The following REPS2 variants were observed in gnomAD, a reference collection of about 807,000 sequenced individuals.
The protein encoded by REPS2 is ralBP1-associated Eps domain-containing protein 2.
In REPS2, 23 loss-of-function variants were observed where a neutral mutation model predicts 53.6. The observed-to-expected ratio is 0.43, with a 90% CI of 0.31 to 0.61. The LOEUF (loss-of-function observed/expected upper bound fraction) is 0.61, where lower values mean the gene tolerates loss of function less well. REPS2 is among the 20% of genes least tolerant of loss of function. REPS2 has a pLI of 0.11. For synonymous variants in REPS2, 238 were observed against 218.6 expected (o/e 1.09, Z -0.78); for missense variants, 446 against 534.9 (o/e 0.83, Z 1.64).
intron 1 of REPS2, among the ~76,000 whole-genome samples, chrX:16,966,004 GC>G (rs2060760946): frequency 8.9e-6 from 1 of 112,547 alleles, no homozygotes; most frequent in Non-Finnish European, 1.9e-5. Context: ...CAGGCACTCG[GC>G]AAGCTGAGGC....
At chrX:17,022,892 A>G (rs1041124089) in intron 3 of REPS2, among the ~76,000 whole-genome samples, 2 of 112,469 alleles carry the variant, frequency 1.8e-5, no homozygotes, top group Non-Finnish European at 3.7e-5. Flanking sequence ...TGGAACCAGA[A>G]CAGGGAGGAT....
rs7878645 is a variant in REPS2 at position 16,949,462 on chromosome X, C to T, written c.273+2328C>T. On this transcript the variant is annotated intron_variant, in intron 1 of 17. Coordinates refer to ENST00000357277, the MANE Select transcript of REPS2 (RefSeq NM_004726.3). Reference sequence around the variant, plus strand: ...TCGTTCTGTTGCCCAGGCTGGAGTGCGGTGGCGTGATCTTGGCTCACTGCA... The same window carrying T: ...TCGTTCTGTTGCCCAGGCTGGAGTGTGGTGGCGTGATCTTGGCTCACTGCA... 1.3e-3 allele frequency among the ~76,000 whole-genome samples: 141 copies of T among 112,359 alleles called. 2 individuals carry two copies. The highest frequency in any genetic ancestry group is 4.2e-3 in the African/African-American group (129 of 30,949).
the REPS2 span, among the ~76,000 whole-genome samples, chrX:17,159,291 A>G: frequency 8.9e-6 from 1 of 111,843 alleles, no homozygotes; most frequent in South Asian, 3.8e-4. Flanking sequence ...TTATGTTTCA[A>G]GCTCATTAAT....
intron 14 of REPS2, 104 bp downstream of exon 14, chrX:17,103,883 A>G: frequency 1.3e-6 from 1 of 743,212 alleles, no homozygotes. Context: ...GGTCCATGAG[A>G]TTCCCAAGCT....
intron 9 of REPS2, among the ~76,000 whole-genome samples, chrX:17,063,027 G>C (rs1394237823): frequency 8.9e-6 from 1 of 112,098 alleles, no homozygotes; most frequent in Non-Finnish European, 1.9e-5. Context: ...ACCAAATGAG[G>C]ACTGATTTGG....
chrX:17,168,251 C>T, the REPS2 span, among the ~76,000 whole-genome samples: 4 of 111,908 alleles, frequency 3.6e-5, no homozygotes, highest in African/African-American at 9.8e-5. Context: ...CATGGTGGCT[C>T]ACCAGTAATA....
Position 17,107,756 on chromosome X carries a change from G to A in REPS2, c.1578+3977G>A, listed in dbSNP as rs540619342. ...CTATATACAAAATTAAGTAGTTTGT[G>A]TTTCACATTTTCCTGTGGCAAGACT... On this transcript the variant is annotated intron_variant, in intron 14 of 17. Transcript: ENST00000357277. Among the ~76,000 whole-genome samples, 42 of 112,052 alleles carry A rather than the reference G, an allele frequency of 3.7e-4. No homozygotes were observed. In the South Asian group the frequency reaches 0.016, roughly 42 times the overall value.
rs780796335 is a variant in REPS2, at chrX:16,964,670, C to T, written c.273+17536C>T. 1.6e-4 allele frequency among the ~76,000 whole-genome samples: 16 copies of T among 98,735 alleles called. No individual in the cohort carries two copies. The East Asian group carries it at 4.8e-3, about 30-fold the overall frequency. 85.7% of individuals were successfully genotyped at this position (98,735 alleles called of 115,157 possible). On this transcript the variant is annotated intron_variant, in intron 1 of 17. Coordinates refer to ENST00000357277, the MANE Select transcript of REPS2 (RefSeq NM_004726.3). ...GGCCGGACGGGGGGCTGACCCCCCC[C>T]ACCTCCCTCCTGGACGGGGCGGCTG...
intron 8 of REPS2, among the ~76,000 whole-genome samples, chrX:17,060,260 G>A (rs757940911): frequency 1.5e-3 from 161 of 110,782 alleles, no homozygotes; most frequent in African/African-American, 3.6e-3. Flanking sequence ...CCGAGATTGC[G>A]TCACTGCACT....
chrX:17,123,026 G>T (rs756838416), intron 14 of REPS2, among the ~76,000 whole-genome samples: 12 of 112,150 alleles, frequency 1.1e-4, no homozygotes, highest in Non-Finnish European at 2.1e-4. Context: ...TGTTATTATT[G>T]CCAGGCCTAT....
intron 7 of REPS2, among the ~76,000 whole-genome samples, chrX:17,054,454 G>T (rs945965348): frequency 1.8e-5 from 2 of 112,195 alleles, no homozygotes; most frequent in Non-Finnish European, 3.8e-5. Context: ...CATGTCCAGG[G>T]CTTTTCACCC....
chrX:17,110,310 CTTTTT>C (rs202016963), intron 14 of REPS2, among the ~76,000 whole-genome samples: 1 of 86,533 alleles, frequency 1.2e-5, no homozygotes. Context: ...TTAGATTTCA[CTTTTT>C]TTTTTTTTTT....
chrX:16,984,966 C>T (rs1453347992), intron 1 of REPS2, among the ~76,000 whole-genome samples: 1 of 111,769 alleles, frequency 8.9e-6, no homozygotes. Flanking sequence ...GCAGTTTCCA[C>T]GGAGACTTCT....
chrX:17,134,657 T>A (rs761578485), intron 15 of REPS2, among the ~76,000 whole-genome samples: 25 of 109,728 alleles, frequency 2.3e-4, no homozygotes, highest in African/African-American at 8.0e-4. Flanking sequence ...TGAGACAGAG[T>A]CTCGCTTTGT....
chrX:17,176,942 G>T, the REPS2 span, among the ~76,000 whole-genome samples: 4 of 112,117 alleles, frequency 3.6e-5, no homozygotes, highest in African/African-American at 1.3e-4. Flanking sequence ...TGCTTTTCCT[G>T]CAGTGTCTCC....
chrX:17,064,303 A>G (rs1484578335), intron 9 of REPS2, among the ~76,000 whole-genome samples: 2 of 112,087 alleles, frequency 1.8e-5, no homozygotes, highest in Non-Finnish European at 3.8e-5. Context: ...TAATGATTCA[A>G]TATTTCATGT....
intron 14 of REPS2, among the ~76,000 whole-genome samples, chrX:17,125,265 T>A (rs1365618642): frequency 2.7e-5 from 3 of 111,491 alleles, no homozygotes; most frequent in African/African-American, 9.8e-5. Context: ...TATAGAACCA[T>A]GTGGCATATA....
At chrX:17,181,545 A>G in the REPS2 span, among the ~76,000 whole-genome samples, 1 of 112,108 alleles carries the variant, frequency 8.9e-6, no homozygotes, top group East Asian at 2.8e-4. Flanking sequence ...CTAGCAGCTG[A>G]CTGGTGATGC....
At chrX:17,050,760 G>A (rs1383163143) in intron 6 of REPS2, among the ~76,000 whole-genome samples, 1 of 111,244 alleles carries the variant, frequency 9.0e-6, no homozygotes, top group East Asian at 2.8e-4. Context: ...TATGGGGTAT[G>A]TGACATGTTT....
Sources: allele counts gnomAD v4.1 joint callset (sites outside exome capture counted in the v4.1 genomes callset), GRCh38; gene constraint gnomAD v4.1.1; transcripts MANE v1.5; gene names NCBI Gene and HGNC (gene_info 2026-07-23, HGNC 2026-07-21).